The following SETD1A variants were observed in gnomAD, a reference collection of about 807,000 sequenced individuals.
SETD1A encodes SET domain containing 1A, histone lysine methyltransferase.
Under a neutral mutation model 149.9 loss-of-function variants are expected in SETD1A, and 29 were observed. The ratio of observed to expected loss-of-function variants is 0.19; its 90% CI spans 0.14 to 0.26. The LOEUF is 0.26. Among genes scored for constraint, SETD1A ranks in the 10% least tolerant of loss-of-function variants. The pLI, the probability that SETD1A is intolerant of heterozygous loss-of-function variation, is 1.00. For missense variants in SETD1A, 2,109 were observed against 2,353.1 expected, an observed-to-expected ratio of 0.90 and a Z score of 2.15; for synonymous variants, 1,141 against 968.5, an observed-to-expected ratio of 1.18 and a Z score of -3.31.
In SETD1A at chr16:30,969,254, G is replaced by A. The variant is rs770253400; in HGVS notation, c.2771-51G>A. On this transcript the variant is annotated intron_variant, in intron 10 of 18. Transcript: ENST00000262519. ...ATGTAAAGCCCCTTGCACAGGGCAA[G>A]TATCTTGTGGTTGATGGTAAATTTC... is the stretch of plus-strand genomic sequence containing the variant. 8 of 1,573,202 alleles carry A rather than the reference G, an allele frequency of 5.1e-6. No individual in the cohort carries two copies. The Admixed American group carries it at 8.9e-5, about 17-fold the overall frequency.
At position 30,966,912 on chromosome 16, in the gene SETD1A, C is replaced by T. The variant is rs2056155453; in HGVS notation, c.2534C>T (p.Ala845Val). 1.3e-6 allele frequency: 2 copies of T among 1,567,676 alleles called. No individual in the cohort carries two copies. The highest frequency in any genetic ancestry group is 1.2e-5 in the South Asian group (1 of 85,136). The change falls in exon 9 of 19, where the codon GCC (alanine) becomes GTC (valine). Residue 845 changes from alanine (A) to valine (V), a missense_variant. This residue lies in a region of SETD1A where 832 missense variants were observed against 815.6 expected (regional missense o/e 1.02). Transcript: ENST00000262519. ...KPFQNAAKQQ[A>V]KEEDKEKTKL... ...TTCCAGAACGCGGCCAAGCAGCAAG[C>T]CAAGGAGGAGGATAAAGAGAAGACG...
At chr16:30,958,684 G>C (rs775389249) in intron 1 of SETD1A, 33 bp from the exon 2 acceptor site, 1 of 1,599,530 alleles carries the variant, frequency 6.3e-7, no homozygotes, top group Non-Finnish European at 8.6e-7. Flanking sequence ...CCCAAGTCCT[G>C]ATCCTTCTTG....
In SETD1A at chr16:30,984,035, A is replaced by T; in HGVS notation, c.*12A>T. 6.2e-7 allele frequency: 1 copy of T among 1,607,462 alleles called. No individual in the cohort carries two copies. The highest frequency in any genetic ancestry group is 8.5e-7 in the Non-Finnish European group (1 of 1,176,404). ...GCTCCCTAAACTGAGGTGGGGCAGG[A>T]TGGGTGCCCACACCCCTATTTATTC... On this transcript the variant is annotated 3_prime_UTR_variant, in exon 19 of 19. Coordinates refer to ENST00000262519, the MANE Select transcript of SETD1A (RefSeq NM_014712.3).
rs747180736 is a variant in SETD1A at position 30,964,887 on chromosome 16, A to T, written c.1145A>T (p.Tyr382Phe). ...AATCGCTACCAGCGCCATACTTCCT[A>T]CCCACCACGCCGGGCCACACGGGAG... ...SWNRYQRHTS[Y>F]PPRRATREEP... is the part of the protein sequence containing the mutation. The change falls in exon 7 of 19, where the codon TAC becomes TTC. Residue 382 changes from tyrosine (Y) to phenylalanine (F), a missense_variant. Tyr to Phe is a conservative substitution (Grantham distance 22, BLOSUM62 3). Coordinates refer to ENST00000262519, the MANE Select transcript of SETD1A (RefSeq NM_014712.3). The T allele has an allele frequency of 6.2e-7, 1 of 1,614,028 alleles. No individual in the cohort carries two copies. The highest frequency in any genetic ancestry group is 8.5e-7 in the Non-Finnish European group (1 of 1,179,996).
At position 30,965,761 on chromosome 16, in the gene SETD1A, C is replaced by G. The variant is rs1234937695; in HGVS notation, c.1880C>G (p.Pro627Arg). Residue 627 changes from proline (P) to arginine (R), a missense_variant, in exon 8 of 19, where the codon CCC (proline) becomes CGC (arginine). Pro to Arg is a moderately radical substitution (Grantham distance 103). Around this residue, in one of 8 missense-constraint regions of SETD1A, gnomAD observed 431 missense variants for 388.6 expected, o/e 1.11. Coordinates refer to ENST00000262519, the MANE Select transcript of SETD1A (RefSeq NM_014712.3). ...GCGTCCCTTCCTCTTGGTTATCCTCCCCACCAACCTGCCTACCTCCTCCCA... is the reference window on the plus strand; with the variant it reads ...GCGTCCCTTCCTCTTGGTTATCCTCGCCACCAACCTGCCTACCTCCTCCCA... ...YLASLPLGYP[P>R]HQPAYLLPPR... 6.3e-7 allele frequency: 1 copy of G among 1,586,080 alleles called. No homozygotes were observed. Among genetic ancestry groups the G allele is most frequent in the Non-Finnish European group, 8.6e-7 (1 of 1,165,500 alleles).
rs1183698664 is a variant in SETD1A, at chr16:30,964,875, G to A, written c.1133G>A (p.Arg378His). ...AYYESWNRYQRHTSYPPRRAT... is the reference protein window; with the variant it reads ...AYYESWNRYQHHTSYPPRRAT... ...TATGAAAGCTGGAATCGCTACCAGC[G>A]CCATACTTCCTACCCACCACGCCGG... Residue 378 changes from arginine (R) to histidine (H), a missense_variant, in exon 7 of 19, where the codon CGC becomes CAC. Transcript: ENST00000262519. 4 of 1,614,022 alleles carry A rather than the reference G, an allele frequency of 2.5e-6. No individual in the cohort carries two copies. Among genetic ancestry groups the A allele is most frequent in the African/African-American group, 1.3e-5 (1 of 74,900 alleles).
At chr16:30,958,458 C>T (rs2055997400) in intron 1 of SETD1A, 1 of 442,694 alleles carries the variant, frequency 2.3e-6, no homozygotes, top group East Asian at 4.1e-5. Context: ...GTGGGGCGCG[C>T]GCTAGGGAGA....
Position 30,966,189 on chromosome 16 carries a change from C to T in SETD1A, c.2308C>T (p.Arg770Trp), listed in dbSNP as rs373948714. The T allele has an allele frequency of 5.6e-6, 9 of 1,611,954 alleles. No individual in the cohort carries two copies. Among genetic ancestry groups the T allele is most frequent in the East Asian group, 2.2e-5 (1 of 44,862 alleles). The change falls in exon 8 of 19, where the codon CGG becomes TGG. Residue 770 changes from arginine to tryptophan, a missense_variant. Transcript: ENST00000262519. ...PSSSVSGEEA[R>W]LPPREEAELA... ...CTCCTCAGTCTCGGGAGAGGAGGCCCGGCTGCCACCCAGGGAAGAAGCAGA... is the reference window on the plus strand; with the variant it reads ...CTCCTCAGTCTCGGGAGAGGAGGCCTGGCTGCCACCCAGGGAAGAAGCAGA...
intron 8 of SETD1A, 104 bp from the exon 9 acceptor site, chr16:30,966,780 G>A (rs900710585): frequency 7.0e-6 from 9 of 1,290,688 alleles, no homozygotes; most frequent in African/African-American, 3.0e-5. Flanking sequence ...ATATGGAGCA[G>A]CAAGTAGATG....
At chr16:30,959,740 ATTCTTC>A (rs140020755) in intron 3 of SETD1A, among the ~76,000 whole-genome samples, 6 of 141,202 alleles carry the variant, frequency 4.2e-5, no homozygotes, top group East Asian at 2.0e-4. Flanking sequence ...GGGTCCCTTC[ATTCTTC>A]TTCTTCTTTT....
Position 30,959,333 on chromosome 16 carries a change from G to T in SETD1A, c.246+147G>T, listed in dbSNP as rs2056014057. ...GAGGCTGTGAGACTCAGTTGTTTTG[G>T]ATAGGAGGTACACTTAATCTTCCAG... On this transcript the variant is annotated intron_variant, in intron 3 of 18. Coordinates refer to ENST00000262519, the MANE Select transcript of SETD1A (RefSeq NM_014712.3). 6 of 669,116 alleles carry T rather than the reference G, an allele frequency of 9.0e-6. No individual in the cohort carries two copies. The Admixed American group carries it at 1.5e-4, about 16-fold the overall frequency. 41.4% of individuals were successfully genotyped at this position (669,116 alleles called of 1,614,324 possible).
chr16:30,966,898 GGCCAAGCAGCAA>G lies in SETD1A; in HGVS notation c.2527_2538del (p.Gln843_Lys846del). 6.4e-7 allele frequency: 1 copy of G among 1,560,908 alleles called. No homozygotes were observed. Among genetic ancestry groups the G allele is most frequent in the Non-Finnish European group, 8.7e-7 (1 of 1,152,832 alleles). ...GCTGCCTGCAGCCATTCCAGAACGC[GGCCAAGCAGCAA>G]GCCAAGGAGGAGGATAAAGAGAAGA... is the stretch of plus-strand genomic sequence containing the variant. On this transcript the variant is annotated inframe_deletion, in exon 9 of 19. Coordinates refer to ENST00000262519, the MANE Select transcript of SETD1A (RefSeq NM_014712.3).
At position 30,967,606 on chromosome 16, in the gene SETD1A, T is replaced by C. The variant is rs1352959405; in HGVS notation, c.2770+18T>C. On this transcript the variant is annotated intron_variant, in intron 10 of 18. Coordinates refer to ENST00000262519, the MANE Select transcript of SETD1A (RefSeq NM_014712.3). ...TGAAGACGGTGAGCAGGGTCAGGCA[T>C]AAGGAGAAGGGGTGTGCTGCGTGGG... The C allele has an allele frequency of 3.7e-6, 6 of 1,607,632 alleles. No individual in the cohort carries two copies. The Admixed American group carries it at 8.3e-5, about 22-fold the overall frequency.
chr16:30,981,745 A>T (rs1173159750), intron 17 of SETD1A, among the ~76,000 whole-genome samples: 2 of 152,092 alleles, frequency 1.3e-5, no homozygotes, highest in African/African-American at 4.8e-5. Flanking sequence ...ACACAGAAGG[A>T]TGGTGTTCCA....
chr16:30,979,991 G>GCCCCCCCCCC lies in SETD1A; in HGVS notation c.4208_4209insCCCCCCCCCC (p.Pro1407SerfsTer17). 1 of 1,279,664 alleles carries GCCCCCCCCCC rather than the reference G, an allele frequency of 7.8e-7. No homozygotes were observed. Among genetic ancestry groups the GCCCCCCCCCC allele is most frequent in the Non-Finnish European group, 1.0e-6 (1 of 969,376 alleles). The allele number at this position is 1,279,664 out of a possible 1,614,324, so 79.3% of individuals were successfully genotyped here. ...CTCCGCTCCCACGCCCGGCGCCGCC[G>GCCCCCCCCCC]CCCTCCGCCCCCACCCCCGCCGCCA... On this transcript the variant is annotated frameshift_variant, in exon 14 of 19. Coordinates refer to ENST00000262519, the MANE Select transcript of SETD1A (RefSeq NM_014712.3). LOFTEE classifies it high-confidence loss of function.
chr16:30,982,546 G>A (rs1567366207), intron 17 of SETD1A, among the ~76,000 whole-genome samples: 1 of 151,950 alleles, frequency 6.6e-6, no homozygotes, highest in Non-Finnish European at 1.5e-5. Context: ...TGGCAGCGAC[G>A]TGTGGCTGGA....
At chr16:30,963,653 TAAAC>T (rs768873309) in intron 5 of SETD1A, 99 bp downstream of exon 5, 31 of 1,335,208 alleles carry the variant, frequency 2.3e-5, no homozygotes, top group South Asian at 4.5e-5. Flanking sequence ...GCTTTCCCGT[TAAAC>T]AAAGAAGAGC....
rs2056139446 is a variant in SETD1A, at chr16:30,966,029, C to G, written c.2148C>G (p.Leu716=). ...PPGGAFGEAF[L]PFPPPQEAAY... The stretch of plus-strand genomic sequence containing the variant: ...GTGGGGCCTTTGGGGAGGCCTTCCT[C>G]CCGTTTCCACCCCCGCAGGAGGCAG... The change falls in exon 8 of 19, where the codon CTC becomes CTG. Residue 716 remains leucine (L), a synonymous_variant. Transcript: ENST00000262519. 2.6e-6 allele frequency: 4 copies of G among 1,565,214 alleles called. No individual in the cohort carries two copies. The highest frequency in any genetic ancestry group is 1.9e-5 in the Admixed American group (1 of 53,952).
At chr16:30,969,502 C>G in intron 11 of SETD1A, 40 bp downstream of exon 11, 2 of 1,599,154 alleles carry the variant, frequency 1.3e-6, no homozygotes, top group Middle Eastern at 1.7e-4. Flanking sequence ...AAGCCTACTT[C>G]CCATAGCCAG....
Sources: gnomAD v4.1 joint callset for allele counts (sites outside exome capture counted in the v4.1 genomes callset) on GRCh38, gnomAD v4.1.1 for gene constraint, gnomAD v4.1.1 regional missense constraint, MANE v1.5 for transcripts, NCBI Gene and HGNC (gene_info 2026-07-23, HGNC 2026-07-21) for gene names.